DOCK1: variants seen among roughly 807,000 people sequenced by gnomAD.
DOCK1 encodes the protein dedicator of cytokinesis protein 1.
A neutral mutation model predicts 262.7 loss-of-function variants in DOCK1; 138 were observed. That is an observed-to-expected ratio of 0.53 (90% CI 0.46 to 0.61). The LOEUF (loss-of-function observed/expected upper bound fraction) is 0.61, where lower values mean the gene tolerates loss of function less well. Among genes scored for constraint, DOCK1 ranks in the 20% least tolerant of loss-of-function variants. The pLI is 0.00. For missense variants in DOCK1, 1,908 were observed against 2,370.7 expected, an observed-to-expected ratio of 0.80 and a Z score of 4.05; for synonymous variants, 866 against 867.4, an observed-to-expected ratio of 1.00 and a Z score of 0.03.
intron 45 of DOCK1, among the ~76,000 whole-genome samples, chr10:127,419,334 G>T (rs1032921854): frequency 6.6e-6 from 1 of 152,050 alleles, no homozygotes; most frequent in Non-Finnish European, 1.5e-5. Flanking sequence ...AGGTGCAGGG[G>T]CTAGGCAGGA....
intron 27 of DOCK1, among the ~76,000 whole-genome samples, chr10:127,208,085 A>G (rs975009486): frequency 6.6e-6 from 1 of 152,208 alleles, no homozygotes. Context: ...GGCAGGGGAT[A>G]TGGTGAAGGG....
At chr10:127,044,024 G>A (rs971687877) in intron 21 of DOCK1, among the ~76,000 whole-genome samples, 1 of 151,984 alleles carries the variant, frequency 6.6e-6, no homozygotes, top group Admixed American at 6.5e-5. Flanking sequence ...CTTTCTTGGT[G>A]GAATTTATTG....
chr10:127,174,592 C>T (rs1213406319), intron 27 of DOCK1, among the ~76,000 whole-genome samples: 1 of 152,130 alleles, frequency 6.6e-6, no homozygotes, highest in Non-Finnish European at 1.5e-5. Flanking sequence ...TAGGGCAGCC[C>T]GTGGGGAAGG....
At chr10:127,021,121 A>C (rs1289333562) in intron 13 of DOCK1, among the ~76,000 whole-genome samples, 2 of 152,016 alleles carry the variant, frequency 1.3e-5, no homozygotes, top group Non-Finnish European at 2.9e-5. Flanking sequence ...GCTTACTGTA[A>C]ATGAGGTCTT....
At chr10:127,145,347 C>T (rs1445784555) in intron 27 of DOCK1, among the ~76,000 whole-genome samples, 1 of 152,200 alleles carries the variant, frequency 6.6e-6, no homozygotes, top group Non-Finnish European at 1.5e-5. Context: ...GTCTATGAAG[C>T]ATATCTTATG....
rs763133308 is a variant in DOCK1, at chr10:127,043,072, C to A, written c.2109C>A (p.Ile703=). 4 of 1,605,238 alleles carry A rather than the reference C, an allele frequency of 2.5e-6. No individual in the cohort carries two copies. The South Asian group carries it at 3.4e-5, about 13-fold the overall frequency. Residue 703 remains isoleucine, a synonymous_variant, in exon 21 of 52, where the codon ATC becomes ATA. Transcript: ENST00000623213. ...DTLVFDALVF[I]IGLIADRKFQ... Reference sequence around the variant, plus strand: ...ATTGATTAATTTGACAGGTATTTATCATTGGACTGATTGCTGATAGAAAAT... The same window carrying A: ...ATTGATTAATTTGACAGGTATTTATAATTGGACTGATTGCTGATAGAAAAT...
chr10:126,972,773 C>G (rs2038214547), intron 2 of DOCK1, among the ~76,000 whole-genome samples: 1 of 151,784 alleles, frequency 6.6e-6, no homozygotes. Flanking sequence ...CCATCTGATG[C>G]ATGCTGTACC....
At chr10:127,285,455 T>A (rs530186681) in intron 29 of DOCK1, among the ~76,000 whole-genome samples, 1 of 152,350 alleles carries the variant, frequency 6.6e-6, no homozygotes, top group South Asian at 2.1e-4. Flanking sequence ...CATCGCTGAC[T>A]GTTTCATGTA....
rs568835220 is a variant in DOCK1, at chr10:126,925,229, C to T, written c.46+19666C>T. ...GGCAATAAGCCTAACATACCATAGG[C>T]TGATTTTCTAAAACACTTTTATTTA... On this transcript the variant is annotated intron_variant, in intron 1 of 51. Transcript: ENST00000623213. Among the ~76,000 whole-genome samples, 5 of 152,304 alleles carry T rather than the reference C, an allele frequency of 3.3e-5. No homozygotes were observed. The South Asian group carries it at 1.0e-3, about 32-fold the overall frequency.
At chr10:126,934,054 A>G (rs1426763587) in intron 1 of DOCK1, among the ~76,000 whole-genome samples, 2 of 152,024 alleles carry the variant, frequency 1.3e-5, no homozygotes, top group Admixed American at 6.6e-5. Flanking sequence ...TGACCTTGTA[A>G]TCTGCCCTCC....
chr10:127,044,808 G>A (rs538878897), intron 21 of DOCK1, among the ~76,000 whole-genome samples: 15 of 152,144 alleles, frequency 9.9e-5, no homozygotes, highest in African/African-American at 3.6e-4. Context: ...TCTCATAGGT[G>A]GAGAAAGAAA....
intron 29 of DOCK1, among the ~76,000 whole-genome samples, chr10:127,260,054 G>A (rs534317484): frequency 6.6e-6 from 1 of 152,244 alleles, no homozygotes; most frequent in Admixed American, 6.5e-5. Context: ...TGAGCAGGTG[G>A]CTTGATCCAC....
At chr10:127,445,408 C>T (rs1372154165) in intron 50 of DOCK1, among the ~76,000 whole-genome samples, 1 of 152,160 alleles carries the variant, frequency 6.6e-6, no homozygotes, top group East Asian at 1.9e-4. Flanking sequence ...GGTGGGGAGG[C>T]TGGCTGCAGG....
chr10:127,433,224 CTG>C, intron 47 of DOCK1, 57 bp from the exon 48 acceptor site: 1 of 1,594,890 alleles, frequency 6.3e-7, no homozygotes, highest in Non-Finnish European at 8.6e-7. Context: ...TCTCAGGAGT[CTG>C]ACCATGGCAG....
intron 27 of DOCK1, among the ~76,000 whole-genome samples, chr10:127,197,087 C>T (rs1237649720): frequency 6.6e-6 from 1 of 152,182 alleles, no homozygotes; most frequent in African/African-American, 2.4e-5. Flanking sequence ...CCTTTCAGTG[C>T]TGGCTCCAAC....
chr10:126,926,872 A>C (rs1018381591), intron 1 of DOCK1, among the ~76,000 whole-genome samples: 5 of 152,184 alleles, frequency 3.3e-5, no homozygotes, highest in African/African-American at 1.2e-4. Context: ...TTAATTTCTG[A>C]CATCTGGCCT....
chr10:126,937,808 CTGTT>C, intron 1 of DOCK1, among the ~76,000 whole-genome samples: 1 of 152,166 alleles, frequency 6.6e-6, no homozygotes, highest in African/African-American at 2.4e-5. Flanking sequence ...CCTTTCTACT[CTGTT>C]GATAGTCTCC....
At chr10:127,292,366 C>T (rs545371650) in intron 29 of DOCK1, among the ~76,000 whole-genome samples, 2 of 152,218 alleles carry the variant, frequency 1.3e-5, no homozygotes, top group South Asian at 2.1e-4. Context: ...TGGTTGGGAG[C>T]GCTCTCCACT....
chr10:127,176,365 G>A lies in DOCK1; in HGVS notation c.2847+48601G>A. 5 of 1,612,070 alleles carry A rather than the reference G, an allele frequency of 3.1e-6. No individual in the cohort carries two copies. The highest frequency in any genetic ancestry group is 4.2e-6 in the Non-Finnish European group (5 of 1,179,414). On this transcript the variant is annotated intron_variant, in intron 27 of 51. Transcript: ENST00000623213. This position sits in a 1 kb window ranked among gnomAD's most constrained non-coding sequence, Gnocchi z 4.4. ...TCCACTTCACTCTCCGACGTTGTGAGTATGCATTTGCCGGTGTCCTTACTG... is the reference window on the plus strand; with the variant it reads ...TCCACTTCACTCTCCGACGTTGTGAATATGCATTTGCCGGTGTCCTTACTG...
Sources: gnomAD v4.1 joint callset for allele counts (sites outside exome capture counted in the v4.1 genomes callset) on GRCh38, gnomAD v4.1.1 for gene constraint, Gnocchi (gnomAD v3.1) non-coding constraint, MANE v1.5 for transcripts, NCBI Gene and HGNC (gene_info 2026-07-23, HGNC 2026-07-21) for gene names.